The following ROBO2 variants were observed in gnomAD, a reference collection of about 807,000 sequenced individuals.
ROBO2 encodes roundabout guidance receptor 2.
A neutral mutation model predicts 160.8 loss-of-function variants in ROBO2; 53 were observed. That is an observed-to-expected ratio of 0.33 (90% CI 0.26 to 0.41). ROBO2 has a LOEUF of 0.41. ROBO2 is among the 10% of genes least tolerant of loss of function. The probability of loss-of-function intolerance (pLI) is 1.00; values close to 1 mark genes in which losing one functional copy is unlikely to be tolerated. For missense variants in ROBO2, 1,577 were observed against 1,722.4 expected (o/e 0.92, Z 1.49); for synonymous variants, 664 against 611.7 (o/e 1.09, Z -1.26).
intron 2 of ROBO2, among the ~76,000 whole-genome samples, chr3:77,142,988 C>T (rs534473817): frequency 1.3e-5 from 2 of 152,038 alleles, no homozygotes; most frequent in African/African-American, 2.4e-5. Flanking sequence ...TGAATAAGGC[C>T]GGGAGAAATG....
intron 2 of ROBO2, among the ~76,000 whole-genome samples, chr3:77,011,745 G>A (rs928891792): frequency 2.0e-5 from 3 of 151,982 alleles, no homozygotes; most frequent in Non-Finnish European, 2.9e-5. Context: ...TTTGCATGAA[G>A]TTTTGTTAAT....
At chr3:77,570,608 CACATG>C (rs944720416) in intron 13 of ROBO2, among the ~76,000 whole-genome samples, 48 of 151,918 alleles carry the variant, frequency 3.2e-4, no homozygotes, top group African/African-American at 1.0e-3. Context: ...TTTGTAGTTG[CACATG>C]ACATAAGTAT....
chr3:77,040,777 T>C, exon 1 of ROBO2: 1 of 1,614,078 alleles, frequency 6.2e-7, no homozygotes, highest in East Asian at 2.2e-5. Context: ...TCCTTTTTAA[T>C]ATGTCAAAAT....
intron 2 of ROBO2, among the ~76,000 whole-genome samples, chr3:77,016,400 A>G (rs1462569170): frequency 1.3e-5 from 2 of 152,140 alleles, no homozygotes; most frequent in Admixed American, 1.3e-4. Context: ...GAACAAAAAC[A>G]AAAATGCTCC....
At chr3:76,754,842 G>A (rs2060877629) in intron 2 of ROBO2, among the ~76,000 whole-genome samples, 1 of 151,732 alleles carries the variant, frequency 6.6e-6, no homozygotes, top group African/African-American at 2.4e-5. Context: ...CAGGAGGGTT[G>A]GGAAATTGCA....
At chr3:77,174,328 A>G (rs2079924662) in intron 2 of ROBO2, among the ~76,000 whole-genome samples, 1 of 151,976 alleles carries the variant, frequency 6.6e-6, no homozygotes, top group African/African-American at 2.4e-5. Context: ...ATTTTAGAAT[A>G]TATAAATCAC....
chr3:76,689,276 G>A (rs976236235), intron 2 of ROBO2, among the ~76,000 whole-genome samples: 3 of 151,864 alleles, frequency 2.0e-5, no homozygotes, highest in African/African-American at 7.3e-5. Context: ...TTCTGCAACT[G>A]GTACTGGGCT....
chr3:77,265,977 T>C (rs1210464269), intron 2 of ROBO2, among the ~76,000 whole-genome samples: 1 of 152,148 alleles, frequency 6.6e-6, no homozygotes, highest in Non-Finnish European at 1.5e-5. Flanking sequence ...GTGCATCTCT[T>C]AATTTTGGGG....
intron 2 of ROBO2, among the ~76,000 whole-genome samples, chr3:76,067,812 C>T (rs2068307670): frequency 1.4e-5 from 2 of 146,662 alleles, no homozygotes; most frequent in Non-Finnish European, 3.0e-5. Flanking sequence ...TTATGCAAAG[C>T]AGTAAAAATT....
intron 2 of ROBO2, among the ~76,000 whole-genome samples, chr3:75,973,498 T>C (rs910080751): frequency 1.3e-5 from 2 of 151,508 alleles, no homozygotes; most frequent in Non-Finnish European, 3.0e-5. Context: ...AACTAAGTGA[T>C]GGAAGGAGCA....
intron 2 of ROBO2, among the ~76,000 whole-genome samples, chr3:77,421,177 T>C (rs959351231): frequency 1.3e-5 from 2 of 152,150 alleles, no homozygotes; most frequent in Non-Finnish European, 1.5e-5. Flanking sequence ...AAAGTAGAAT[T>C]ATTTTATACA....
intron 2 of ROBO2, among the ~76,000 whole-genome samples, chr3:77,284,619 T>C (rs9837837): frequency 0.31 from 46,490 of 151,942 alleles, 8,557 homozygotes; most frequent in Middle Eastern, 0.45. Flanking sequence ...GTAGCATGGT[T>C]TTGTATTATG....
intron 2 of ROBO2, among the ~76,000 whole-genome samples, chr3:76,494,205 T>G (rs1470926041): frequency 3.3e-5 from 5 of 152,166 alleles, no homozygotes; most frequent in African/African-American, 4.8e-5. Context: ...TATTCACACA[T>G]AAAAATGAAG....
intron 2 of ROBO2, among the ~76,000 whole-genome samples, chr3:77,311,602 C>T (rs1361791747): frequency 6.6e-6 from 1 of 152,182 alleles, no homozygotes; most frequent in Non-Finnish European, 1.5e-5. Flanking sequence ...ATACGACAGT[C>T]ATCTTGATTC....
At chr3:77,049,074 A>G (rs1392143714) in intron 1 of ROBO2, among the ~76,000 whole-genome samples, 2 of 152,180 alleles carry the variant, frequency 1.3e-5, no homozygotes, top group African/African-American at 2.4e-5. Context: ...CACCCCTGCA[A>G]TCCTAACAAT....
At chr3:76,641,981 A>C (rs141112840) in intron 2 of ROBO2, among the ~76,000 whole-genome samples, 7 of 152,056 alleles carry the variant, frequency 4.6e-5, no homozygotes, top group African/African-American at 1.7e-4. Context: ...CAGCCTCCCA[A>C]AGTGTTGGGA....
At chr3:77,210,946 C>T (rs535553305) in intron 2 of ROBO2, among the ~76,000 whole-genome samples, 1 of 152,236 alleles carries the variant, frequency 6.6e-6, no homozygotes, top group South Asian at 2.1e-4. Context: ...GCATAGTATT[C>T]CATGGTGTAT....
chr3:77,413,953 C>T (rs2077006023), intron 2 of ROBO2, among the ~76,000 whole-genome samples: 1 of 151,924 alleles, frequency 6.6e-6, no homozygotes, highest in East Asian at 1.9e-4. Context: ...TCTTTGTGTA[C>T]ATGTAGTAAT....
chr3:76,938,182 C>T (rs2077853996), intron 2 of ROBO2, among the ~76,000 whole-genome samples: 1 of 152,018 alleles, frequency 6.6e-6, no homozygotes. Flanking sequence ...CGTGGTGAAA[C>T]CCGTCTCTAC....
Sources: gnomAD v4.1 joint callset for allele counts (sites outside exome capture counted in the v4.1 genomes callset) on GRCh38, gnomAD v4.1.1 for gene constraint, MANE v1.5 for transcripts, NCBI Gene and HGNC (gene_info 2026-07-23, HGNC 2026-07-21) for gene names.